The following BMPER variants were observed in gnomAD, a reference collection of about 807,000 sequenced individuals.
The protein encoded by BMPER is BMP-binding endothelial regulator protein.
Under a neutral mutation model 87.3 loss-of-function variants are expected in BMPER, and 45 were observed. That is an observed-to-expected ratio of 0.52 (90% CI 0.41 to 0.66). The LOEUF is 0.66. Among genes scored for constraint, BMPER ranks in the 30% least tolerant of loss-of-function variants. The pLI is 0.00. For missense variants in BMPER, 784 were observed against 867.5 expected (o/e 0.90, Z 1.21); for synonymous variants, 326 against 316.2 (o/e 1.03, Z -0.33).
chr7:34,133,842 G>T (rs900104848), intron 13 of BMPER, among the ~76,000 whole-genome samples: 2 of 152,170 alleles, frequency 1.3e-5, no homozygotes, highest in African/African-American at 4.8e-5. Flanking sequence ...GAAGCTTTCT[G>T]TGTTGAGTCA....
chr7:34,145,565 G>A (rs564969824), intron 14 of BMPER, among the ~76,000 whole-genome samples: 1 of 152,130 alleles, frequency 6.6e-6, no homozygotes, highest in African/African-American at 2.4e-5. Flanking sequence ...GAAGAACTGG[G>A]TCCTTCCAGC....
chr7:33,937,667 G>C, intron 3 of BMPER: 1 of 454,458 alleles, frequency 2.2e-6, no homozygotes, highest in Non-Finnish European at 4.1e-6. Flanking sequence ...AAATGTCGTA[G>C]AGAAGAGTCA....
chr7:34,151,394 A>G (rs1791172616), intron 14 of BMPER, among the ~76,000 whole-genome samples: 1 of 152,244 alleles, frequency 6.6e-6, no homozygotes, highest in Non-Finnish European at 1.5e-5. Flanking sequence ...GTTGGAAGAC[A>G]GAGTAAATAT....
intron 3 of BMPER, among the ~76,000 whole-genome samples, chr7:33,948,988 G>A (rs958453420): frequency 6.6e-6 from 1 of 152,116 alleles, no homozygotes; most frequent in Non-Finnish European, 1.5e-5. Context: ...CCCGGGCACA[G>A]CCCCCTTCTC....
chr7:34,092,814 G>A (rs925509114), intron 13 of BMPER, among the ~76,000 whole-genome samples: 2 of 152,208 alleles, frequency 1.3e-5, no homozygotes, highest in Non-Finnish European at 2.9e-5. Context: ...GTATGAAAAT[G>A]TATGGAACAT....
At chr7:33,944,867 C>T (rs1021610783) in intron 3 of BMPER, among the ~76,000 whole-genome samples, 1 of 152,076 alleles carries the variant, frequency 6.6e-6, no homozygotes, top group African/African-American at 2.4e-5. Flanking sequence ...CTTTATGGGT[C>T]TTCATGGGTC....
chr7:34,042,750 A>T (rs1485635164), intron 6 of BMPER: 1 of 152,132 alleles, frequency 6.6e-6, no homozygotes, highest in African/African-American at 2.4e-5. Context: ...GTTTTGTTTC[A>T]TTGCTCTTCT....
At position 34,136,767 on chromosome 7, in the gene BMPER, C is replaced by T. The variant is rs77687892; in HGVS notation, c.1746-6463C>T. ...GACCTTCAGATTGACAAACATTGTC[C>T]AGCTGAAGACCCTTTGTGGTGGCAG... On this transcript the variant is annotated intron_variant, in intron 13 of 14. Coordinates refer to ENST00000649409, the MANE Select transcript of BMPER (RefSeq NM_001365308.1). Among the ~76,000 whole-genome samples, 9 of 152,360 alleles carry T rather than the reference C, an allele frequency of 5.9e-5. No homozygotes were observed. In the East Asian group the frequency reaches 1.3e-3, roughly 23 times the overall value.
At chr7:33,946,183 T>C (rs557568456) in intron 3 of BMPER, among the ~76,000 whole-genome samples, 2 of 152,254 alleles carry the variant, frequency 1.3e-5, no homozygotes, top group South Asian at 2.1e-4. Flanking sequence ...CAGACACTTA[T>C]AAAACCATCA....
At chr7:34,041,364 C>G (rs1787828145) in intron 6 of BMPER, among the ~76,000 whole-genome samples, 1 of 152,152 alleles carries the variant, frequency 6.6e-6, no homozygotes, top group South Asian at 2.1e-4. Flanking sequence ...TGTCCTGTCT[C>G]CCCTTGTCTA....
At chr7:34,098,025 T>A (rs572647857) in intron 13 of BMPER, among the ~76,000 whole-genome samples, 1 of 152,016 alleles carries the variant, frequency 6.6e-6, no homozygotes, top group East Asian at 1.9e-4. Context: ...AGGGCACTGG[T>A]TTTACTGCCT....
chr7:34,019,859 G>A (rs1475955098), intron 6 of BMPER, among the ~76,000 whole-genome samples: 1 of 151,946 alleles, frequency 6.6e-6, no homozygotes, highest in Admixed American at 6.6e-5. Context: ...TGCTCCAGAG[G>A]CCAGGAGAAT....
intron 2 of BMPER, among the ~76,000 whole-genome samples, chr7:33,920,463 T>C (rs1306624388): frequency 7.2e-6 from 1 of 139,136 alleles, no homozygotes; most frequent in African/African-American, 2.7e-5. Flanking sequence ...TCTTGCTCTA[T>C]GGCCCAGGCT....
In BMPER at chr7:34,131,067, G is replaced by T. The variant is rs966228373; in HGVS notation, c.1746-12163G>T. ...CAGGCCTCACATTCCAACTCTCAGG[G>T]GCTCATCTGAGGGTGCTCTCATTCT... On this transcript the variant is annotated intron_variant, in intron 13 of 14. Coordinates refer to ENST00000649409, the MANE Select transcript of BMPER (RefSeq NM_001365308.1). Among the ~76,000 whole-genome samples the T allele has an allele frequency of 2.6e-5, 4 of 152,102 alleles. No individual in the cohort carries two copies. In the East Asian group the frequency reaches 7.7e-4, roughly 29 times the overall value.
intron 2 of BMPER, among the ~76,000 whole-genome samples, chr7:33,915,630 T>C (rs545012785): frequency 6.6e-6 from 1 of 152,304 alleles, no homozygotes; most frequent in South Asian, 2.1e-4. Context: ...GGGACAAGTC[T>C]CAGTGGTATA....
rs922202694 is a variant in BMPER at position 34,023,599 on chromosome 7, A to C, written c.577-22707A>C. 1.8e-4 allele frequency among the ~76,000 whole-genome samples: 27 copies of C among 152,148 alleles called. No individual in the cohort carries two copies. The East Asian group carries it at 4.9e-3, about 27-fold the overall frequency. ...TTGCCAAATGTTTAAATCATCTTCA[A>C]ATCTTCTGAGGAGGGCCTAAATGTA... On this transcript the variant is annotated intron_variant, in intron 6 of 14. Transcript: ENST00000649409.
chr7:34,019,257 A>G (rs1787117872), intron 6 of BMPER, among the ~76,000 whole-genome samples: 1 of 151,918 alleles, frequency 6.6e-6, no homozygotes, highest in Non-Finnish European at 1.5e-5. Context: ...TTAGGTTCTA[A>G]TTCTTTAATA....
intron 13 of BMPER, among the ~76,000 whole-genome samples, chr7:34,092,135 A>G (rs908313791): frequency 1.3e-5 from 2 of 152,172 alleles, no homozygotes; most frequent in Admixed American, 1.3e-4. Context: ...ACTTACAGTC[A>G]AAGTGTGCAC....
chr7:34,046,470 T>G (rs895160473), intron 7 of BMPER, 65 bp downstream of exon 7: 2 of 1,509,406 alleles, frequency 1.3e-6, no homozygotes, highest in African/African-American at 1.4e-5. Flanking sequence ...CTGGGAGTGT[T>G]TATCCACGTT....
Sources: allele counts gnomAD v4.1 joint callset (sites outside exome capture counted in the v4.1 genomes callset), GRCh38; gene constraint gnomAD v4.1.1; transcripts MANE v1.5; gene names NCBI Gene and HGNC (gene_info 2026-07-23, HGNC 2026-07-21).